Variants in PDE4B observed in about 807,000 individuals in gnomAD.
The protein encoded by PDE4B is phosphodiesterase 4B.
In PDE4B, 20 loss-of-function variants were observed where a neutral mutation model predicts 82.2. The observed-to-expected ratio is 0.24, with a 90% CI of 0.17 to 0.35. PDE4B has a LOEUF of 0.35. PDE4B is among the 10% of genes least tolerant of loss of function. The pLI is 1.00. For synonymous variants in PDE4B, 320 were observed against 318.9 expected, an observed-to-expected ratio of 1.00 and a Z score of -0.04; for missense variants, 655 against 907.2, an observed-to-expected ratio of 0.72 and a Z score of 3.57.
At chr1:65,798,081 C>G (rs979569402) in intron 1 of PDE4B, among the ~76,000 whole-genome samples, 1 of 151,884 alleles carries the variant, frequency 6.6e-6, no homozygotes, top group South Asian at 2.1e-4. Context: ...TGCAGTGGTG[C>G]ATCTCGGCTC....
intron 1 of PDE4B, among the ~76,000 whole-genome samples, chr1:65,894,328 G>T (rs1333464860): frequency 2.6e-5 from 4 of 151,960 alleles, no homozygotes; most frequent in African/African-American, 9.7e-5. Flanking sequence ...AATTAATGTT[G>T]GATGTTATAT....
chr1:66,154,834 C>T (rs1646471827), intron 3 of PDE4B, among the ~76,000 whole-genome samples: 1 of 152,096 alleles, frequency 6.6e-6, no homozygotes. Flanking sequence ...TTTCCAAGCC[C>T]CTTGTGGTTG....
At chr1:65,980,174 TG>T (rs1347132112) in intron 3 of PDE4B, among the ~76,000 whole-genome samples, 2 of 152,186 alleles carry the variant, frequency 1.3e-5, no homozygotes, top group African/African-American at 4.8e-5. Context: ...AAAATACATT[TG>T]AAAACACGAC....
intron 3 of PDE4B, among the ~76,000 whole-genome samples, chr1:66,190,508 T>C (rs4425960): frequency 0.5 from 76,624 of 152,050 alleles, 20,005 homozygotes; most frequent in South Asian, 0.63. Flanking sequence ...AGCCACTTTG[T>C]TTACCTACTC....
intron 3 of PDE4B, among the ~76,000 whole-genome samples, chr1:65,966,376 C>CCACT (rs1269118287): frequency 7.2e-5 from 11 of 152,082 alleles, no homozygotes; most frequent in Non-Finnish European, 1.6e-4. Context: ...GAATTACAAA[C>CCACT]CACTGCTCAA....
Position 66,096,508 on chromosome 1 carries a change from TTATA to T in PDE4B, c.282-150921_282-150918del, listed in dbSNP as rs4068855. On this transcript the variant is annotated intron_variant, in intron 3 of 16. Coordinates refer to ENST00000341517, the MANE Select transcript of PDE4B (RefSeq NM_002600.4). ...TTAAATGCGGTATAAGTAAAAAAAA[TTATA>T]TATATATATATATATATATATATAT... Among the ~76,000 whole-genome samples the T allele has an allele frequency of 1.3e-3, 136 of 107,314 alleles. 4 individuals carry two copies. The highest frequency in any genetic ancestry group is 9.2e-3 in the Middle Eastern group (2 of 218). 70.4% of individuals were successfully genotyped at this position (107,314 alleles called of 152,430 possible).
intron 3 of PDE4B, among the ~76,000 whole-genome samples, chr1:66,012,877 G>T (rs1012520886): frequency 6.6e-6 from 1 of 152,030 alleles, no homozygotes; most frequent in Non-Finnish European, 1.5e-5. Flanking sequence ...TATATGTCAG[G>T]CAATGCTCTA....
At chr1:66,024,851 T>G (rs752282843) in intron 3 of PDE4B, among the ~76,000 whole-genome samples, 7 of 152,010 alleles carry the variant, frequency 4.6e-5, no homozygotes, top group Non-Finnish European at 8.8e-5. Context: ...GTGATGTATT[T>G]TATTTCATAG....
At chr1:66,008,622 A>G (rs922332022) in intron 3 of PDE4B, among the ~76,000 whole-genome samples, 3 of 152,090 alleles carry the variant, frequency 2.0e-5, no homozygotes, top group African/African-American at 7.2e-5. Context: ...TTTCTCCCTT[A>G]TAAGCAAAAC....
chr1:65,998,782 G>A (rs552765718), intron 3 of PDE4B, among the ~76,000 whole-genome samples: 1 of 151,700 alleles, frequency 6.6e-6, no homozygotes, highest in South Asian at 2.1e-4. Context: ...AGGAGGATGT[G>A]TGTATCTGAG....
intron 3 of PDE4B, among the ~76,000 whole-genome samples, chr1:66,185,209 A>T (rs1373337129): frequency 6.6e-6 from 1 of 152,210 alleles, no homozygotes; most frequent in Non-Finnish European, 1.5e-5. Flanking sequence ...CATGGTGTAT[A>T]TGTGCCTCAT....
chr1:66,269,653 G>A (rs1376056695), intron 7 of PDE4B, among the ~76,000 whole-genome samples: 2 of 152,224 alleles, frequency 1.3e-5, no homozygotes, highest in African/African-American at 2.4e-5. Flanking sequence ...TGGGGTGCAT[G>A]CATACACATG....
intron 7 of PDE4B, among the ~76,000 whole-genome samples, chr1:66,317,816 T>C (rs776805279): frequency 1.3e-5 from 2 of 152,204 alleles, no homozygotes; most frequent in Non-Finnish European, 2.9e-5. Context: ...GAGGATCACT[T>C]GGCCTAGGAG....
At chr1:65,795,897 C>G (rs1370010223) in intron 1 of PDE4B, among the ~76,000 whole-genome samples, 1 of 152,222 alleles carries the variant, frequency 6.6e-6, no homozygotes, top group Non-Finnish European at 1.5e-5. Flanking sequence ...GTTCTTACCC[C>G]ATACATTCAT....
rs183034682 is a variant in PDE4B, at chr1:66,201,543, A to G, written c.282-45917A>G. Among the ~76,000 whole-genome samples the G allele has an allele frequency of 6.4e-3, 969 of 151,188 alleles. 11 individuals carry two copies. Among genetic ancestry groups the G allele is most frequent in the African/African-American group, 0.022 (886 of 41,056 alleles). On this transcript the variant is annotated intron_variant, in intron 3 of 16. Coordinates refer to ENST00000341517, the MANE Select transcript of PDE4B (RefSeq NM_002600.4). ...TCAGACCCTGTTATTGGTCTATTCAAAGATTTAACTTCTTCTTTGTTTAGT... is the reference window on the plus strand; with the variant it reads ...TCAGACCCTGTTATTGGTCTATTCAGAGATTTAACTTCTTCTTTGTTTAGT...
At chr1:65,975,830 T>C (rs1650378008) in intron 3 of PDE4B, among the ~76,000 whole-genome samples, 10 of 152,314 alleles carry the variant, frequency 6.6e-5, no homozygotes, top group Admixed American at 6.5e-4. Flanking sequence ...AGACAGGAGT[T>C]GAGGATTGGA....
intron 3 of PDE4B, among the ~76,000 whole-genome samples, chr1:66,124,446 G>A (rs1194768599): frequency 6.6e-6 from 1 of 152,016 alleles, no homozygotes; most frequent in Non-Finnish European, 1.5e-5. Context: ...CTCCTATTTC[G>A]GCAACATCCA....
intron 7 of PDE4B, among the ~76,000 whole-genome samples, chr1:66,291,253 G>A (rs975262295): frequency 6.6e-5 from 10 of 152,058 alleles, no homozygotes; most frequent in Admixed American, 6.6e-4. Context: ...GATAAGAAAA[G>A]TGAGCTTTAG....
At chr1:65,952,451 T>C (rs909863057) in intron 3 of PDE4B, among the ~76,000 whole-genome samples, 7 of 151,846 alleles carry the variant, frequency 4.6e-5, no homozygotes, top group African/African-American at 1.7e-4. Context: ...GAGGCTGAGG[T>C]GGGTGGATCA....
Sources: gnomAD v4.1 joint callset for allele counts (sites outside exome capture counted in the v4.1 genomes callset) on GRCh38, gnomAD v4.1.1 for gene constraint, MANE v1.5 for transcripts, NCBI Gene and HGNC (gene_info 2026-07-23, HGNC 2026-07-21) for gene names.